FREM1: variants seen among roughly 807,000 people sequenced by gnomAD.
The protein encoded by FREM1 is FRAS1 related extracellular matrix 1.
FREM1 carries 220 observed loss-of-function variants against 210.1 expected under a neutral mutation model. The observed-to-expected ratio is 1.05, with a 90% confidence interval of 0.94 to 1.17. FREM1 has a LOEUF of 1.17. Among genes scored for constraint, FREM1 ranks in the 50% most tolerant of loss-of-function variants. The pLI, the probability that FREM1 is intolerant of heterozygous loss-of-function variation, is 0.00. For missense variants in FREM1, 3,454 were observed against 2,675.5 expected, an observed-to-expected ratio of 1.29 and a Z score of -6.42; for synonymous variants, 1,189 against 980.2, an observed-to-expected ratio of 1.21 and a Z score of -3.98.
chr9:14,877,768 C>T (rs779753437), intron 1 of FREM1, among the ~76,000 whole-genome samples: 7 of 152,060 alleles, frequency 4.6e-5, no homozygotes, highest in Non-Finnish European at 7.4e-5. Flanking sequence ...GAATGAAGGC[C>T]GTCAACATCT....
At chr9:14,788,842 GAGAA>G (rs1223574194) in intron 23 of FREM1, 73 bp downstream of exon 23, 11 of 1,101,714 alleles carry the variant, frequency 1.0e-5, no homozygotes, top group Non-Finnish European at 1.4e-5. Context: ...GGGAAAGAGA[GAGAA>G]AGAAACGAAT....
intron 36 of FREM1, among the ~76,000 whole-genome samples, chr9:14,738,700 T>G (rs897952159): frequency 2.0e-5 from 3 of 152,112 alleles, no homozygotes; most frequent in Non-Finnish European, 2.9e-5. Flanking sequence ...AATTCTGTTT[T>G]TAAAGTGGTT....
At chr9:14,877,515 C>G (rs951082448) in intron 1 of FREM1, among the ~76,000 whole-genome samples, 5 of 151,728 alleles carry the variant, frequency 3.3e-5, no homozygotes, top group Admixed American at 2.0e-4. Flanking sequence ...GTTCCTTCCC[C>G]TTGAGTGCCA....
At chr9:14,812,787 C>A in intron 16 of FREM1, 25 bp downstream of exon 16, 1 of 1,578,476 alleles carries the variant, frequency 6.3e-7, no homozygotes, top group Non-Finnish European at 8.6e-7. Flanking sequence ...TGCATTCCCT[C>A]ACTGGTCACC....
At chr9:14,873,507 G>C (rs1160964447) in intron 1 of FREM1, among the ~76,000 whole-genome samples, 2 of 152,090 alleles carry the variant, frequency 1.3e-5, no homozygotes. Context: ...TGTGGGATCG[G>C]TGGTGATATC....
intron 14 of FREM1, among the ~76,000 whole-genome samples, chr9:14,817,168 G>C (rs1284954322): frequency 6.6e-6 from 1 of 152,186 alleles, no homozygotes; most frequent in Non-Finnish European, 1.5e-5. Context: ...ATTTGGTATA[G>C]GTCTGTACGC....
intron 16 of FREM1, among the ~76,000 whole-genome samples, chr9:14,808,512 C>T (rs888267219): frequency 3.9e-5 from 6 of 152,136 alleles, no homozygotes; most frequent in African/African-American, 1.4e-4. Flanking sequence ...AGAAGGCAAC[C>T]TTTTCCCTTT....
rs769458433 is a variant in FREM1, at chr9:14,788,733, A to G, written c.4177+186T>C. Reference sequence around the variant, plus strand: ...AATGGATTGGCTACTTCTGTGAACCACATAGGTCCCAGGCAAAGCAGGTGA... The same window carrying G: ...AATGGATTGGCTACTTCTGTGAACCGCATAGGTCCCAGGCAAAGCAGGTGA... On this transcript the variant is annotated intron_variant, in intron 23 of 36. Coordinates refer to ENST00000380880, the MANE Select transcript of FREM1 (RefSeq NM_001379081.2). Among the ~76,000 whole-genome samples, 25 of 152,292 alleles carry G rather than the reference A, an allele frequency of 1.6e-4. 1 individual carries two copies. The Middle Eastern group carries it at 0.014, about 83-fold the overall frequency.
At chr9:14,751,546 A>G (rs1843391725) in intron 29 of FREM1, among the ~76,000 whole-genome samples, 1 of 152,086 alleles carries the variant, frequency 6.6e-6, no homozygotes, top group East Asian at 1.9e-4. Flanking sequence ...TGTGATCTCA[A>G]CCACTCAGGA....
chr9:14,860,862 C>CATATATATACGTATATAT lies in FREM1; in HGVS notation c.330-1379_330-1378insATATATACGTATATATAT, dbSNP rs1554707685. Among the ~76,000 whole-genome samples the CATATATATACGTATATAT allele has an allele frequency of 6.2e-4, 31 of 50,164 alleles. 8 individuals carry two copies. The highest frequency in any genetic ancestry group is 2.8e-3 in the East Asian group (4 of 1,410). The allele number at this position is 50,164 out of a possible 152,430, so 32.9% of individuals were successfully genotyped here. A position where few individuals can be genotyped will look rare whatever the true frequency, so the allele number is the denominator to read the frequency against. On this transcript the variant is annotated intron_variant, in intron 3 of 36. Coordinates refer to ENST00000380880, the MANE Select transcript of FREM1 (RefSeq NM_001379081.2). ...ATATATACATATATACGTATATATA[C>CATATATATACGTATATAT]ACATATATATACGTATATATACACA... is the stretch of plus-strand genomic sequence containing the variant.
At chr9:14,846,873 A>G (rs1210954540) in intron 7 of FREM1, among the ~76,000 whole-genome samples, 1 of 152,070 alleles carries the variant, frequency 6.6e-6, no homozygotes, top group Non-Finnish European at 1.5e-5. Context: ...CAGCCGCCCC[A>G]TGAGGGTTCC....
chr9:14,806,659 A>C lies in FREM1; in HGVS notation c.3274+2T>G. On this transcript the variant is annotated splice_donor_variant, in intron 18 of 36. Transcript: ENST00000380880. LOFTEE classifies it high-confidence loss of function. Reference sequence around the variant, plus strand: ...ATTGCTGGTGACGAAGCTACAGCTTACCTATACTTATGCCAATATTGCTTT... The same window carrying C: ...ATTGCTGGTGACGAAGCTACAGCTTCCCTATACTTATGCCAATATTGCTTT... 6.5e-7 allele frequency: 1 copy of C among 1,547,442 alleles called. No individual in the cohort carries two copies. Among genetic ancestry groups the C allele is most frequent in the Non-Finnish European group, 8.9e-7 (1 of 1,127,694 alleles).
At chr9:14,744,432 T>C (rs1842072640) in intron 35 of FREM1, among the ~76,000 whole-genome samples, 1 of 152,106 alleles carries the variant, frequency 6.6e-6, no homozygotes, top group East Asian at 1.9e-4. Context: ...AAGATAACAA[T>C]TTTTTATTTC....
At chr9:14,814,239 A>G (rs946978156) in intron 15 of FREM1, among the ~76,000 whole-genome samples, 4 of 152,178 alleles carry the variant, frequency 2.6e-5, no homozygotes, top group African/African-American at 7.2e-5. Context: ...GTATAGAACC[A>G]TCTAAATTTT....
In FREM1 at chr9:14,769,818, T is replaced by A; in HGVS notation, c.5110A>T (p.Ile1704Phe). Residue 1704 changes from isoleucine (I) to phenylalanine (F), a missense_variant, in exon 27 of 37, where the codon ATT becomes TTT. Ile to Phe is a conservative substitution (Grantham distance 21, BLOSUM62 0). Coordinates refer to ENST00000380880, the MANE Select transcript of FREM1 (RefSeq NM_001379081.2). ...FSQKDLNSKT[I>F]LYIINPSLEV... ...AAAGATGGGTTTATGATGTAAAGAA[T>A]AGTCTTACTGTTTAAGTCCTTTTGG... The A allele has an allele frequency of 6.2e-7, 1 of 1,606,934 alleles. No homozygotes were observed. Among genetic ancestry groups the A allele is most frequent in the Non-Finnish European group, 8.5e-7 (1 of 1,174,820 alleles).
At position 14,784,610 on chromosome 9, in the gene FREM1, G is replaced by T. The variant is rs1327652029; in HGVS notation, c.4202C>A (p.Pro1401Gln). ...EKGDIVILTKPLVVSKGDRGF... is the reference protein window; with the variant it reads ...EKGDIVILTKQLVVSKGDRGF... ...TCTATCACCTTTAGACACCACGAGT[G>T]GTTTTGTAAGGATGACAATATCACC... The change falls in exon 24 of 37, where the codon CCA (proline) becomes CAA (glutamine). Residue 1401 changes from proline (P) to glutamine (Q), a missense_variant. Coordinates refer to ENST00000380880, the MANE Select transcript of FREM1 (RefSeq NM_001379081.2). The T allele has an allele frequency of 2.5e-6, 4 of 1,588,132 alleles. No individual in the cohort carries two copies. In the African/African-American group the frequency reaches 5.4e-5, roughly 21 times the overall value.
At chr9:14,860,886 CAT>C (rs564312521) in intron 3 of FREM1, among the ~76,000 whole-genome samples, 1 of 61,338 alleles carries the variant, frequency 1.6e-5, no homozygotes, top group Non-Finnish European at 2.8e-5. Flanking sequence ...TATATATACA[CAT>C]ATATACATAT....
chr9:14,909,908 A>C lies in FREM1; in HGVS notation c.-268+6T>G, dbSNP rs771763801. ...ATGAAAAGAAACACATAAAACAGAT[A>C]CTTACAGGTAGTGGTTTTCCTTTCC... On this transcript the variant is annotated splice_donor_region_variant and intron_variant, in intron 1 of 36. Coordinates refer to ENST00000380880, the MANE Select transcript of FREM1 (RefSeq NM_001379081.2). 9 of 152,256 alleles carry C rather than the reference A, an allele frequency of 5.9e-5. No individual in the cohort carries two copies. The highest frequency in any genetic ancestry group is 1.3e-4 in the Non-Finnish European group (9 of 68,050). 9.4% of individuals were successfully genotyped at this position (152,256 alleles called of 1,614,324 possible). A position where few individuals can be genotyped will look rare whatever the true frequency, so the allele number is the denominator to read the frequency against.
chr9:14,742,119 G>T (rs1003543829), intron 35 of FREM1, among the ~76,000 whole-genome samples: 2 of 152,030 alleles, frequency 1.3e-5, no homozygotes, highest in Non-Finnish European at 2.9e-5. Flanking sequence ...TATAAAATGT[G>T]GTGGGTATTA....
Sources: allele counts gnomAD v4.1 joint callset (sites outside exome capture counted in the v4.1 genomes callset), GRCh38; gene constraint gnomAD v4.1.1; transcripts MANE v1.5; gene names NCBI Gene and HGNC (gene_info 2026-07-23, HGNC 2026-07-21).